The following SVIL variants were observed in gnomAD, a reference collection of about 807,000 sequenced individuals.
The protein encoded by SVIL is archvillin.
In SVIL, 101 loss-of-function variants were observed where a neutral mutation model predicts 240.4. The ratio of observed to expected loss-of-function variants is 0.42; its 90% CI spans 0.36 to 0.50. SVIL has a LOEUF of 0.50. Among genes scored for constraint, SVIL ranks in the 20% least tolerant of loss-of-function variants. SVIL has a pLI of 0.01. For missense variants in SVIL, 2,512 were observed against 2,818.7 expected, an observed-to-expected ratio of 0.89 and a Z score of 2.46; for synonymous variants, 999 against 1,100.0, an observed-to-expected ratio of 0.91 and a Z score of 1.82.
rs1947487648 is a variant in SVIL at position 29,487,195 on chromosome 10, CT to C, written c.4452del (p.Gly1485GlufsTer7). The C allele has an allele frequency of 6.2e-7, 1 of 1,613,846 alleles. No individual in the cohort carries two copies. The highest frequency in any genetic ancestry group is 1.7e-5 in the Admixed American group (1 of 59,990). ...LLSPHCCFLW[V>X]GEFANVIEKA... ...TTTTCTATGACGTTTGCAAACTCTC[CT>C]ACCCACAGGAAGCAGCAGTGGGGAG... is the stretch of plus-strand genomic sequence containing the variant. On this transcript the variant is annotated frameshift_variant, in exon 24 of 38. Coordinates refer to ENST00000355867, the MANE Select transcript of SVIL (RefSeq NM_021738.3). LOFTEE classifies it high-confidence loss of function.
intron 15 of SVIL, among the ~76,000 whole-genome samples, chr10:29,522,953 T>C (rs1483596633): frequency 6.6e-6 from 1 of 152,232 alleles, no homozygotes; most frequent in African/African-American, 2.4e-5. Context: ...AAATGTGCTA[T>C]ACTCACAAAC....
At chr10:29,558,483 AT>A (rs2132675752) in intron 3 of SVIL, among the ~76,000 whole-genome samples, 1 of 152,296 alleles carries the variant, frequency 6.6e-6, no homozygotes, top group South Asian at 2.1e-4. Flanking sequence ...GATATGCCTC[AT>A]TCCTACAGAA....
intron 36 of SVIL, among the ~76,000 whole-genome samples, chr10:29,461,220 G>T (rs901345237): frequency 6.6e-6 from 1 of 152,140 alleles, no homozygotes; most frequent in Admixed American, 6.6e-5. Context: ...TGGCAATTTG[G>T]TAACTCCTGA....
Position 29,493,319 on chromosome 10 carries a change from T to C in SVIL, c.3914A>G (p.Asp1305Gly). ...SVKEVMKPDD[D>G]ETFAKFYRSV... ...GCGGTAAAATTTGGCAAAGGTTTCA[T>C]CATCATCTGGCTTCATCACCTCCTT... Residue 1305 changes from aspartate (D) to glycine (G), a missense_variant, in exon 21 of 38, where the codon GAT (aspartate) becomes GGT (glycine). This residue lies in a region of SVIL where 272 missense variants were observed against 406.8 expected (regional missense o/e 0.67). Transcript: ENST00000355867. 1 of 1,614,190 alleles carries C rather than the reference T, an allele frequency of 6.2e-7. No homozygotes were observed. The highest frequency in any genetic ancestry group is 8.5e-7 in the Non-Finnish European group (1 of 1,180,028).
chr10:29,544,754 T>TAAA (rs373279682), intron 6 of SVIL, among the ~76,000 whole-genome samples: 10 of 70,286 alleles, frequency 1.4e-4, no homozygotes, highest in Non-Finnish European at 1.9e-4. Context: ...AGACCTTTTC[T>TAAA]AAAAAAAAAA....
At chr10:29,516,666 TG>T (rs1564554806) in intron 16 of SVIL, among the ~76,000 whole-genome samples, 1 of 152,124 alleles carries the variant, frequency 6.6e-6, no homozygotes, top group Non-Finnish European at 1.5e-5. Context: ...GCTGGGAGCC[TG>T]GGCAGTGGCT....
chr10:29,730,355 G>A (rs1282593980), intron 1 of SVIL, among the ~76,000 whole-genome samples: 3 of 152,184 alleles, frequency 2.0e-5, no homozygotes, highest in Admixed American at 1.3e-4. Context: ...TCAACCTCCA[G>A]CTTCGTATAA....
At chr10:29,567,213 C>A (rs1273247707) in intron 2 of SVIL, among the ~76,000 whole-genome samples, 1 of 152,164 alleles carries the variant, frequency 6.6e-6, no homozygotes, top group African/African-American at 2.4e-5. Flanking sequence ...ACTTAAATGC[C>A]TGCCCATAGC....
intron 6 of SVIL, among the ~76,000 whole-genome samples, chr10:29,540,822 A>G (rs543987669): frequency 6.6e-6 from 1 of 152,220 alleles, no homozygotes; most frequent in South Asian, 2.1e-4. Context: ...GAACCTAACT[A>G]CCTTCTTCCT....
chr10:29,488,710 G>A lies in SVIL; in HGVS notation c.4239C>T (p.Ala1413=). Residue 1413 remains alanine, a synonymous_variant, in exon 23 of 38, where the codon GCC becomes GCT. Transcript: ENST00000355867. The part of the protein sequence containing the change: ...NFSEVTLAGL[A]SKENFSNVSL... The stretch of plus-strand genomic sequence containing the variant: ...TGACGTTGCTGAAGTTTTCTTTACT[G>A]GCTAAACCCGCCAGGGTGACTTCTG... 1 of 1,612,928 alleles carries A rather than the reference G, an allele frequency of 6.2e-7. No individual in the cohort carries two copies. The highest frequency in any genetic ancestry group is 8.5e-7 in the Non-Finnish European group (1 of 1,179,626).
At chr10:29,570,321 A>G (rs973721637) in intron 1 of SVIL, among the ~76,000 whole-genome samples, 1 of 152,240 alleles carries the variant, frequency 6.6e-6, no homozygotes, top group Non-Finnish European at 1.5e-5. Context: ...GCTGTAGGAG[A>G]AAATTCCTGA....
chr10:29,561,511 G>A (rs903378778), intron 3 of SVIL, among the ~76,000 whole-genome samples: 1 of 152,084 alleles, frequency 6.6e-6, no homozygotes, highest in African/African-American at 2.4e-5. Flanking sequence ...TTGCTAATAT[G>A]GATTTGTTCA....
intron 3 of SVIL, among the ~76,000 whole-genome samples, chr10:29,646,390 T>A (rs1298060162): frequency 2.6e-5 from 4 of 152,198 alleles, no homozygotes; most frequent in Non-Finnish European, 5.9e-5. Flanking sequence ...TCTGATCTCC[T>A]GGGCTTGGCA....
At chr10:29,531,055 T>C (rs965686288) in intron 10 of SVIL, among the ~76,000 whole-genome samples, 199 bp downstream of exon 10, 4 of 152,248 alleles carry the variant, frequency 2.6e-5, no homozygotes, top group Non-Finnish European at 4.4e-5. Context: ...TATGATTCTC[T>C]AACTGCTCTC....
In SVIL at chr10:29,550,968, T is replaced by G. The variant is rs201921622; in HGVS notation, c.456A>C (p.Lys152Asn). The change falls in exon 6 of 38, where the codon AAA becomes AAC. Residue 152 changes from lysine to asparagine, a missense_variant. This residue lies in a region of SVIL where 1,443 missense variants were observed against 1,486.6 expected (regional missense o/e 0.97). Transcript: ENST00000355867. Reference protein sequence around the residue: ...EPDAVEKRGGKSDKQEESSRD... With the variant: ...EPDAVEKRGGNSDKQEESSRD... ...TGCTTGACTCTTCCTGTTTGTCACT[T>G]TTTCCTCCCCGCTTCTCGACAGCAT... 2 of 1,614,056 alleles carry G rather than the reference T, an allele frequency of 1.2e-6. No individual in the cohort carries two copies. Among genetic ancestry groups the G allele is most frequent in the East Asian group, 2.2e-5 (1 of 44,872 alleles).
chr10:29,535,883 T>G lies in SVIL; in HGVS notation c.908+106A>C, dbSNP rs1377488495. 3.6e-4 allele frequency: 401 copies of G among 1,124,700 alleles called. 3 individuals carry two copies. Among genetic ancestry groups the G allele is most frequent in the Non-Finnish European group, 1.1e-4 (80 of 754,706 alleles). 69.7% of individuals were successfully genotyped at this position (1,124,700 alleles called of 1,614,324 possible). A position where few individuals can be genotyped will look rare whatever the true frequency, so the allele number is the denominator to read the frequency against. ...ACTTCCACGTGATTTTCAAGTGCACTGGTATTAAAGAAGGCAAGAGGAGAG... is the reference window on the plus strand; with the variant it reads ...ACTTCCACGTGATTTTCAAGTGCACGGGTATTAAAGAAGGCAAGAGGAGAG... On this transcript the variant is annotated intron_variant, in intron 7 of 37. Coordinates refer to ENST00000355867, the MANE Select transcript of SVIL (RefSeq NM_021738.3).
Position 29,684,831 on chromosome 10 carries a change from G to A in SVIL, c.-301+1722C>T, listed in dbSNP as rs546457695. 6.6e-5 allele frequency among the ~76,000 whole-genome samples: 10 copies of A among 152,308 alleles called. No homozygotes were observed. The East Asian group carries it at 1.5e-3, about 23-fold the overall frequency. On this transcript the variant is annotated intron_variant, in intron 2 of 35. Coordinates refer to the SVIL transcript ENST00000375400. ...GATAAAATACTGTGATTTGTTTTCA[G>A]TGCCTGCTATGGACCATATGATGCT... is the stretch of plus-strand genomic sequence containing the variant.
upstream of SVIL, among the ~76,000 whole-genome samples, chr10:29,736,071 T>C (rs1179400750): frequency 6.6e-6 from 1 of 151,744 alleles, no homozygotes; most frequent in African/African-American, 2.4e-5. Context: ...CCTGCCTCTC[T>C]CAACGCGGGC....
intron 17 of SVIL, among the ~76,000 whole-genome samples, chr10:29,502,099 G>A (rs775097797): frequency 6.6e-6 from 1 of 152,138 alleles, no homozygotes; most frequent in Admixed American, 6.5e-5. Context: ...GCTCCCATTC[G>A]TTTGCCAGAC....
Sources: allele counts gnomAD v4.1 joint callset (sites outside exome capture counted in the v4.1 genomes callset), GRCh38; gene constraint gnomAD v4.1.1; regional missense constraint gnomAD v4.1.1; transcripts MANE v1.5; gene names NCBI Gene and HGNC (gene_info 2026-07-23, HGNC 2026-07-21).